The following BMP6 variants were observed in gnomAD, a reference collection of about 807,000 sequenced individuals.
The protein encoded by BMP6 is bone morphogenetic protein 6, also known as VG-1-R.
BMP6 carries 17 observed loss-of-function variants against 54.1 expected under a neutral mutation model. That is an observed-to-expected ratio of 0.31 (90% CI 0.22 to 0.47). The LOEUF is 0.47. BMP6 is among the 20% of genes least tolerant of loss of function. The pLI, the probability that BMP6 is intolerant of heterozygous loss-of-function variation, is 1.00. For synonymous variants in BMP6, 328 were observed against 291.2 expected, an observed-to-expected ratio of 1.13 and a Z score of -1.28; for missense variants, 720 against 690.4, an observed-to-expected ratio of 1.04 and a Z score of -0.48.
chr6:7,796,959 A>G lies in BMP6; in HGVS notation c.665-48181A>G, dbSNP rs573037075. Among the ~76,000 whole-genome samples, 5 of 152,318 alleles carry G rather than the reference A, an allele frequency of 3.3e-5. No homozygotes were observed. In the South Asian group the frequency reaches 1.0e-3, roughly 32 times the overall value. On this transcript the variant is annotated intron_variant, in intron 1 of 6. Transcript: ENST00000283147. Reference sequence around the variant, plus strand: ...TCATAGGCTCATAAACAGAACTCCAATGCGTTGTTTCTGTTTCTCTTTGTC... The same window carrying G: ...TCATAGGCTCATAAACAGAACTCCAGTGCGTTGTTTCTGTTTCTCTTTGTC...
At chr6:7,856,614 T>TTTTTTTTTTTTTTTTTG (rs1491363620) in intron 2 of BMP6, among the ~76,000 whole-genome samples, 18 of 95,126 alleles carry the variant, frequency 1.9e-4, no homozygotes, top group African/African-American at 7.0e-4. Flanking sequence ...TTTTTTTTTT[T>TTTTTTTTTTTTTTTTTG]GAGACGGAGT....
At chr6:7,818,637 C>T (rs992995440) in intron 1 of BMP6, among the ~76,000 whole-genome samples, 1 of 152,198 alleles carries the variant, frequency 6.6e-6, no homozygotes, top group African/African-American at 2.4e-5. Flanking sequence ...CTAGCTGTCT[C>T]CATCACAAAC....
intron 1 of BMP6, among the ~76,000 whole-genome samples, chr6:7,783,881 G>A (rs923469280): frequency 1.1e-4 from 17 of 152,152 alleles, no homozygotes; most frequent in Non-Finnish European, 2.5e-4. Flanking sequence ...CATTTTGCAG[G>A]CCTTGTGGAA....
intron 1 of BMP6, among the ~76,000 whole-genome samples, chr6:7,815,899 C>T (rs1758518245): frequency 6.6e-6 from 1 of 152,146 alleles, no homozygotes. Flanking sequence ...GGAAACAGAA[C>T]ATAGTAGCAT....
intron 1 of BMP6, among the ~76,000 whole-genome samples, chr6:7,742,794 C>G (rs4960352): frequency 1.3e-5 from 2 of 151,618 alleles, no homozygotes; most frequent in Non-Finnish European, 2.9e-5. Flanking sequence ...TAGGCGCATA[C>G]AAGATGTGAT....
At chr6:7,829,903 A>ATAATACTCTT (rs1758767545) in intron 1 of BMP6, among the ~76,000 whole-genome samples, 2 of 152,212 alleles carry the variant, frequency 1.3e-5, no homozygotes, top group African/African-American at 4.8e-5. Context: ...TCCAGTATAC[A>ATAATACTCTT]GTAAGATACT....
At chr6:7,809,073 G>A (rs527743269) in intron 1 of BMP6, among the ~76,000 whole-genome samples, 2 of 151,202 alleles carry the variant, frequency 1.3e-5, no homozygotes, top group South Asian at 2.1e-4. Flanking sequence ...TTTGGTGAGG[G>A]CTCCATTTCT....
At chr6:7,861,364 T>A in intron 2 of BMP6, 87 bp from the exon 3 acceptor site, 2 of 1,514,852 alleles carry the variant, frequency 1.3e-6, no homozygotes, top group Admixed American at 3.6e-5. Flanking sequence ...GACTCGGGCA[T>A]GTTTTATCCT....
intron 1 of BMP6, among the ~76,000 whole-genome samples, chr6:7,758,156 G>A (rs184582436): frequency 5.3e-5 from 8 of 152,260 alleles, no homozygotes; most frequent in Non-Finnish European, 1.2e-4. Flanking sequence ...AACATTTTCC[G>A]CAAACGTTTT....
intron 1 of BMP6, among the ~76,000 whole-genome samples, chr6:7,752,224 C>T (rs2113130422): frequency 6.6e-6 from 1 of 152,324 alleles, no homozygotes; most frequent in Middle Eastern, 3.4e-3. Context: ...AGCAATACTT[C>T]AACAAACAGA....
At chr6:7,812,465 G>T (rs1758449221) in intron 1 of BMP6, among the ~76,000 whole-genome samples, 1 of 152,078 alleles carries the variant, frequency 6.6e-6, no homozygotes, top group African/African-American at 2.4e-5. Context: ...TAAGTAATAG[G>T]AGACTGTATA....
Position 7,843,942 on chromosome 6 carries a change from C to T in BMP6, c.665-1198C>T, listed in dbSNP as rs1008091765. On this transcript the variant is annotated intron_variant, in intron 1 of 6. Transcript: ENST00000283147. ...TATTGTATGTATTTAAGGGGTACAA[C>T]GTGATTTGATATACTAATACATATA... 9.8e-5 allele frequency among the ~76,000 whole-genome samples: 15 copies of T among 152,310 alleles called. 1 individual carries two copies. The Middle Eastern group carries it at 0.014, about 138-fold the overall frequency.
At chr6:7,772,252 G>T (rs1329121178) in intron 1 of BMP6, among the ~76,000 whole-genome samples, 4 of 152,142 alleles carry the variant, frequency 2.6e-5, no homozygotes, top group Admixed American at 2.0e-4. Context: ...GAGACACCCT[G>T]TGTCTTCTTG....
chr6:7,813,331 T>C (rs1758468613), intron 1 of BMP6, among the ~76,000 whole-genome samples: 1 of 145,896 alleles, frequency 6.9e-6, no homozygotes, highest in Admixed American at 6.9e-5. Flanking sequence ...TACATAAAAA[T>C]ATATTTGAGG....
chr6:7,776,772 C>G (rs1322571168), intron 1 of BMP6, among the ~76,000 whole-genome samples: 2 of 152,212 alleles, frequency 1.3e-5, no homozygotes, highest in African/African-American at 2.4e-5. Context: ...CACGTCAGTG[C>G]CCCAACCAGC....
intron 1 of BMP6, among the ~76,000 whole-genome samples, chr6:7,767,153 A>AT (rs1262193466): frequency 6.6e-6 from 1 of 151,644 alleles, no homozygotes; most frequent in Non-Finnish European, 1.5e-5. Flanking sequence ...CACCCGGCTA[A>AT]TTTTTTGTAT....
At chr6:7,878,950 T>C (rs1759666298) in intron 4 of BMP6, 124 bp from the exon 5 acceptor site, 3 of 922,912 alleles carry the variant, frequency 3.3e-6, no homozygotes, top group Non-Finnish European at 5.2e-6. Flanking sequence ...GTGACCATAC[T>C]TGTATCTAGG....
chr6:7,807,896 C>T (rs1758370651), intron 1 of BMP6, among the ~76,000 whole-genome samples: 2 of 145,984 alleles, frequency 1.4e-5, no homozygotes, highest in Admixed American at 6.8e-5. Flanking sequence ...TTTTGTATTA[C>T]TAACGGGAAG....
At chr6:7,794,260 C>G (rs1418511457) in intron 1 of BMP6, among the ~76,000 whole-genome samples, 2 of 152,100 alleles carry the variant, frequency 1.3e-5, no homozygotes, top group African/African-American at 4.8e-5. Context: ...ATTTGGTTCT[C>G]TTGTTCTGCT....
Sources: allele counts gnomAD v4.1 joint callset (sites outside exome capture counted in the v4.1 genomes callset), GRCh38; gene constraint gnomAD v4.1.1; transcripts MANE v1.5; gene names NCBI Gene and HGNC (gene_info 2026-07-23, HGNC 2026-07-21).